The following PSMB7 variants were observed in gnomAD, a reference collection of about 807,000 sequenced individuals.
PSMB7 encodes proteasome subunit beta type-7.
A neutral mutation model predicts 28.1 loss-of-function variants in PSMB7; 5 were observed. The ratio of observed to expected loss-of-function variants is 0.18; its 90% confidence interval spans 0.09 to 0.37. The LOEUF is 0.37. PSMB7 is among the 10% of genes least tolerant of loss of function. The pLI is 1.00. For missense variants in PSMB7, 275 were observed against 346.2 expected, an observed-to-expected ratio of 0.79 and a Z score of 1.63; for synonymous variants, 122 against 123.7, an observed-to-expected ratio of 0.99 and a Z score of 0.09.
At position 124,369,599 on chromosome 9, in the gene PSMB7, C is replaced by T. The variant is rs551444411; in HGVS notation, c.571-12684G>A. Among the ~76,000 whole-genome samples, 40 of 152,270 alleles carry T rather than the reference C, an allele frequency of 2.6e-4. 5 individuals are homozygous for T. Among genetic ancestry groups the T allele is most frequent in the South Asian group, 2.5e-3 (12 of 4,820 alleles). On this transcript the variant is annotated intron_variant, in intron 6 of 7. Coordinates refer to ENST00000259457, the MANE Select transcript of PSMB7 (RefSeq NM_002799.4). ...AGAGCGGATGCTAATTAAAAGGCCA[C>T]ACTGACTCGGGAAATGACCGCCCAG...
intron 5 of PSMB7, among the ~76,000 whole-genome samples, chr9:124,389,752 C>G (rs1364583925): frequency 6.6e-6 from 1 of 152,186 alleles, no homozygotes; most frequent in Non-Finnish European, 1.5e-5. Flanking sequence ...CTGGAAAGAG[C>G]ACCTGGCCTG....
chr9:124,391,242 G>A (rs192191104), intron 5 of PSMB7, among the ~76,000 whole-genome samples: 25 of 152,292 alleles, frequency 1.6e-4, no homozygotes, highest in Non-Finnish European at 3.4e-4. Context: ...GATAAGGAAC[G>A]TGCCCAGATC....
At chr9:124,409,945 A>ATT (rs1831011066) in intron 4 of PSMB7, among the ~76,000 whole-genome samples, 5 of 152,204 alleles carry the variant, frequency 3.3e-5, no homozygotes, top group Non-Finnish European at 7.3e-5. Flanking sequence ...ATTTTGATAA[A>ATT]ATTTAACTTT....
chr9:124,408,777 A>G (rs996946919), intron 4 of PSMB7, among the ~76,000 whole-genome samples: 4 of 152,218 alleles, frequency 2.6e-5, no homozygotes, highest in Admixed American at 2.0e-4. Context: ...GAAAAAACAG[A>G]TCTTCAAAAA....
chr9:124,365,778 G>A (rs1830501531), intron 6 of PSMB7, among the ~76,000 whole-genome samples: 1 of 152,078 alleles, frequency 6.6e-6, no homozygotes, highest in Admixed American at 6.5e-5. Context: ...AGCCAGGTGT[G>A]GTGATGTGCA....
At chr9:124,409,355 C>T (rs780735579) in intron 4 of PSMB7, among the ~76,000 whole-genome samples, 3 of 152,160 alleles carry the variant, frequency 2.0e-5, no homozygotes, top group Non-Finnish European at 4.4e-5. Flanking sequence ...AGAGTCTCTA[C>T]GTATTCAAGT....
intron 7 of PSMB7, among the ~76,000 whole-genome samples, chr9:124,354,420 G>A (rs1468157922): frequency 1.3e-5 from 2 of 152,242 alleles, no homozygotes; most frequent in Admixed American, 1.3e-4. Context: ...ACAACCAACT[G>A]TTCCTCTGCT....
intron 4 of PSMB7, among the ~76,000 whole-genome samples, chr9:124,411,248 A>G (rs1831025053): frequency 6.6e-6 from 1 of 152,216 alleles, no homozygotes; most frequent in Non-Finnish European, 1.5e-5. Flanking sequence ...CTGGGATTAC[A>G]GGCGTGTGCC....
At chr9:124,353,761 G>C in intron 7 of PSMB7, 52 bp from the exon 8 acceptor site, 1 of 1,315,384 alleles carries the variant, frequency 7.6e-7, no homozygotes, top group Non-Finnish European at 1.1e-6. Flanking sequence ...CAAGGTGCCA[G>C]AGGGCAGAAG....
chr9:124,411,837 A>G (rs766935993), intron 4 of PSMB7, among the ~76,000 whole-genome samples: 11 of 152,248 alleles, frequency 7.2e-5, no homozygotes, highest in Non-Finnish European at 1.2e-4. Context: ...TCGTGCATAA[A>G]GCGCTTTAGC....
intron 1 of PSMB7, 104 bp downstream of exon 1, chr9:124,415,260 C>A: frequency 7.8e-7 from 1 of 1,282,948 alleles, no homozygotes; most frequent in South Asian, 1.2e-5. Context: ...CAGGCCCCGC[C>A]ATGAATTCTT....
intron 4 of PSMB7, among the ~76,000 whole-genome samples, chr9:124,410,933 C>T (rs1831021762): frequency 6.6e-6 from 1 of 152,186 alleles, no homozygotes; most frequent in African/African-American, 2.4e-5. Context: ...AAGATTACGG[C>T]CACATGTTTC....
At chr9:124,391,237 G>C (rs1056369636) in intron 5 of PSMB7, among the ~76,000 whole-genome samples, 1 of 152,196 alleles carries the variant, frequency 6.6e-6, no homozygotes. Context: ...TCAAAGATAA[G>C]GAACGTGCCC....
intron 6 of PSMB7, among the ~76,000 whole-genome samples, chr9:124,367,848 C>A (rs1223923428): frequency 6.6e-6 from 1 of 152,140 alleles, no homozygotes; most frequent in Non-Finnish European, 1.5e-5. Flanking sequence ...CCTGATCCTA[C>A]CCATCTCCAA....
chr9:124,377,181 C>T (rs1425672097), intron 6 of PSMB7, among the ~76,000 whole-genome samples: 9 of 152,208 alleles, frequency 5.9e-5, no homozygotes, highest in East Asian at 1.9e-4. Context: ...TTTTACAGGC[C>T]GCATCTAACG....
intron 5 of PSMB7, among the ~76,000 whole-genome samples, chr9:124,393,272 C>T (rs909759538): frequency 3.9e-5 from 6 of 152,312 alleles, no homozygotes; most frequent in Admixed American, 2.6e-4. Flanking sequence ...GCATGCATTT[C>T]ATTATAAGTC....
intron 6 of PSMB7, among the ~76,000 whole-genome samples, chr9:124,380,509 C>G (rs1830653543): frequency 6.6e-6 from 1 of 152,018 alleles, no homozygotes; most frequent in Non-Finnish European, 1.5e-5. Flanking sequence ...CCACTGCACT[C>G]CAGCCTGGGC....
intron 3 of PSMB7, among the ~76,000 whole-genome samples, chr9:124,412,713 C>T (rs1831041527): frequency 6.6e-6 from 1 of 152,162 alleles, no homozygotes; most frequent in African/African-American, 2.4e-5. Flanking sequence ...CAATGGAACA[C>T]ATGAAATTAT....
chr9:124,393,236 G>A (rs903256352), intron 5 of PSMB7, among the ~76,000 whole-genome samples: 7 of 152,162 alleles, frequency 4.6e-5, no homozygotes, highest in African/African-American at 1.2e-4. Context: ...TAAAACAGAC[G>A]CAGGCTTTAA....
Sources: gnomAD v4.1 joint callset for allele counts (sites outside exome capture counted in the v4.1 genomes callset) on GRCh38, gnomAD v4.1.1 for gene constraint, MANE v1.5 for transcripts, NCBI Gene and HGNC (gene_info 2026-07-23, HGNC 2026-07-21) for gene names.